CHEK1: variants seen among roughly 807,000 people sequenced by gnomAD.
CHEK1 encodes the protein checkpoint kinase 1, also known as serine/threonine-protein kinase Chk1.
In CHEK1, 32 loss-of-function variants were observed where a neutral mutation model predicts 60.2. The ratio of observed to expected loss-of-function variants is 0.53; its 90% CI spans 0.40 to 0.71. The LOEUF (loss-of-function observed/expected upper bound fraction) is 0.71. Among genes scored for constraint, CHEK1 ranks in the 30% least tolerant of loss-of-function variants. The probability of loss-of-function intolerance (pLI) is 0.00; values close to 1 mark genes in which losing one functional copy is unlikely to be tolerated. For synonymous variants in CHEK1, 179 were observed against 187.2 expected, an observed-to-expected ratio of 0.96 and a Z score of 0.36; for missense variants, 399 against 564.6, an observed-to-expected ratio of 0.71 and a Z score of 2.97.
At chr11:125,626,294 C>G in intron 1 of CHEK1, 1 of 494,780 alleles carries the variant, frequency 2.0e-6, no homozygotes, top group Non-Finnish European at 3.6e-6. Context: ...CCCGCCCCGG[C>G]CTTTGGGACG....
intron 13 of CHEK1, among the ~76,000 whole-genome samples, chr11:125,675,264 C>T (rs1942440990): frequency 6.6e-6 from 1 of 152,226 alleles, no homozygotes; most frequent in Non-Finnish European, 1.5e-5. Flanking sequence ...TACTTCTCTG[C>T]ACCTCTAATC....
chr11:125,637,824 A>C (rs561644591), intron 8 of CHEK1, among the ~76,000 whole-genome samples: 1 of 152,348 alleles, frequency 6.6e-6, no homozygotes, highest in South Asian at 2.1e-4. Flanking sequence ...GATTAAAGGG[A>C]AGCTAGGCAG....
intron 11 of CHEK1, among the ~76,000 whole-genome samples, chr11:125,645,623 G>T (rs1941473093): frequency 6.6e-6 from 1 of 152,166 alleles, no homozygotes; most frequent in Admixed American, 6.5e-5. Context: ...ATCAGCGTCA[G>T]ATTTCTTGGG....
In CHEK1 at chr11:125,633,086, G is replaced by A. The variant is rs112153227; in HGVS notation, c.425-77G>A. 17 of 1,344,496 alleles carry A rather than the reference G, an allele frequency of 1.3e-5. 1 individual carries two copies. The highest frequency in any genetic ancestry group is 1.9e-4 in the Middle Eastern group (1 of 5,150). The allele number at this position is 1,344,496 out of a possible 1,614,324, so 83.3% of individuals were successfully genotyped here. ...AAGTAACACCAGTGATTTTTTTTCA[G>A]TAAAACTTAATTCCTGTAAGTATAT... On this transcript the variant is annotated intron_variant, in intron 5 of 12. Transcript: ENST00000438015.
At chr11:125,632,836 T>G (rs1940917941) in intron 5 of CHEK1, among the ~76,000 whole-genome samples, 1 of 152,166 alleles carries the variant, frequency 6.6e-6, no homozygotes, top group Non-Finnish European at 1.5e-5. Context: ...TTGCTTTACT[T>G]TCATCTCAGG....
intron 6 of CHEK1, among the ~76,000 whole-genome samples, chr11:125,634,980 CAA>C (rs916124109): frequency 6.7e-6 from 1 of 148,332 alleles, no homozygotes; most frequent in Non-Finnish European, 1.5e-5. Flanking sequence ...TTTTTTGAGA[CAA>C]AGTCTTGCTC....
downstream of CHEK1, chr11:125,678,289 T>C (rs113984231): frequency 1.2e-5 from 20 of 1,613,614 alleles, 1 homozygote; most frequent in African/African-American, 1.5e-4. Context: ...TTAGGCTGAC[T>C]TGATGTTCCT....
rs113468080 is a variant in CHEK1, at chr11:125,633,170, C to T, written c.432C>T (p.Leu144=). 3.9e-5 allele frequency: 62 copies of T among 1,579,510 alleles called. 1 individual carries two copies. Among genetic ancestry groups the T allele is most frequent in the Admixed American group, 2.8e-4 (14 of 50,618 alleles). Residue 144 remains leucine, a synonymous_variant, in exon 6 of 13, where the codon CTC becomes CTT. Transcript: ENST00000438015. ...ENLLLDERDN[L]KISDFGLATV... is the part of the protein sequence containing the mutation. ...TTTTTTCTTTTGGTTTAGATAACCT[C>T]AAAATCTCAGACTTTGGCTTGGCAA...
At chr11:125,626,295 C>G in intron 1 of CHEK1, 1 of 495,646 alleles carries the variant, frequency 2.0e-6, no homozygotes, top group South Asian at 3.0e-5. Context: ...CCGCCCCGGC[C>G]TTTGGGACGG....
chr11:125,637,233 A>G (rs1941104393), intron 7 of CHEK1, among the ~76,000 whole-genome samples: 1 of 152,208 alleles, frequency 6.6e-6, no homozygotes, highest in Non-Finnish European at 1.5e-5. Flanking sequence ...AGTTGCAAAC[A>G]ATTGAGAATC....
chr11:125,657,109 A>G lies in CHEK1; in HGVS notation c.*1789A>G, dbSNP rs1941923730. On this transcript the variant is annotated 3_prime_UTR_variant, in exon 13 of 13. Transcript: ENST00000438015. The stretch of plus-strand genomic sequence containing the variant: ...TTGTTGTGGGAAGGTATTTACTCCT[A>G]TTATTAAAAATAAAAATGTGTAAAA... 1 of 177,776 alleles carries G rather than the reference A, an allele frequency of 5.6e-6. No homozygotes were observed. Among genetic ancestry groups the G allele is most frequent in the African/African-American group, 2.4e-5 (1 of 42,378 alleles). The allele number at this position is 177,776 out of a possible 1,614,324, so 11.0% of individuals were successfully genotyped here.
chr11:125,643,731 T>G (rs1941389634), intron 8 of CHEK1, 61 bp from the exon 9 acceptor site: 4 of 1,324,130 alleles, frequency 3.0e-6, no homozygotes, highest in Non-Finnish European at 4.2e-6. Context: ...CCAGTTGGGT[T>G]AATTTAAAAA....
intron 13 of CHEK1, among the ~76,000 whole-genome samples, chr11:125,670,757 G>A (rs1942186634): frequency 6.6e-6 from 1 of 152,116 alleles, no homozygotes; most frequent in African/African-American, 2.4e-5. Context: ...TGTGATGCAT[G>A]GATTGAGAAG....
downstream of CHEK1, chr11:125,680,753 G>C (rs769863232): frequency 6.2e-7 from 1 of 1,613,682 alleles, no homozygotes; most frequent in African/African-American, 1.3e-5. Context: ...AGCAGATAAA[G>C]ACTCATTAGC....
In CHEK1 at chr11:125,633,297, G is replaced by A; in HGVS notation, c.559G>A (p.Glu187Lys). The A allele has an allele frequency of 1.2e-6, 2 of 1,605,908 alleles. No individual in the cohort carries two copies. Among genetic ancestry groups the A allele is most frequent in the African/African-American group, 2.7e-5 (2 of 74,414 alleles). The change falls in exon 6 of 13, where the codon GAA becomes AAA. Residue 187 changes from glutamate to lysine, a missense_variant. This residue lies in a region of CHEK1 where 370 missense variants were observed against 494.8 expected (regional missense o/e 0.75). Transcript: ENST00000438015. Reference protein sequence around the residue: ...ELLKRREFHAEPVDVWSCGIV... With the variant: ...ELLKRREFHAKPVDVWSCGIV... ...TCTGAAGAGAAGAGAATTTCATGCA[G>A]AACCAGTTGATGTTTGGTCCTGTGG...
At chr11:125,626,361 C>A in intron 1 of CHEK1, 1 of 425,260 alleles carries the variant, frequency 2.4e-6, no homozygotes, top group Non-Finnish European at 4.2e-6. Flanking sequence ...GGAGGCGCTG[C>A]CGCAGGCGTT....
chr11:125,645,100 C>A (rs1941449635), intron 11 of CHEK1, among the ~76,000 whole-genome samples: 5 of 151,916 alleles, frequency 3.3e-5, no homozygotes, highest in Non-Finnish European at 5.9e-5. Context: ...AGAAATAATA[C>A]TTTTTTTTAT....
intron 11 of CHEK1, among the ~76,000 whole-genome samples, chr11:125,651,934 A>T (rs886773707): frequency 1.1e-4 from 16 of 151,886 alleles, no homozygotes; most frequent in African/African-American, 3.9e-4. Context: ...CACTGACATC[A>T]CTCCTTGATT....
At chr11:125,626,120 G>C (rs1158357900) in intron 1 of CHEK1, 108 bp downstream of exon 1, 1 of 630,622 alleles carries the variant, frequency 1.6e-6, no homozygotes, top group African/African-American at 1.8e-5. Flanking sequence ...GACTAGCGCA[G>C]GGGATTGGAG....
Sources: allele counts gnomAD v4.1 joint callset (sites outside exome capture counted in the v4.1 genomes callset), GRCh38; gene constraint gnomAD v4.1.1; regional missense constraint gnomAD v4.1.1; transcripts MANE v1.5; gene names NCBI Gene and HGNC (gene_info 2026-07-23, HGNC 2026-07-21).